CUBN: variants seen among roughly 807,000 people sequenced by gnomAD.
The protein encoded by CUBN is cubilin.
CUBN carries 282 observed loss-of-function variants against 405.3 expected under a neutral mutation model. That is an observed-to-expected ratio of 0.70 (90% CI 0.63 to 0.77). CUBN has a LOEUF of 0.77. Ranked by LOEUF, CUBN falls within the 30% of genes least tolerant of loss-of-function variation. The pLI is 0.00. For missense variants in CUBN, 4,514 were observed against 4,475.2 expected (o/e 1.01, Z -0.25); for synonymous variants, 1,684 against 1,617.0 (o/e 1.04, Z -0.99).
chr10:16,834,819 G>A (rs779451598), intron 64 of CUBN, among the ~76,000 whole-genome samples, 195 bp downstream of exon 64: 18 of 152,012 alleles, frequency 1.2e-4, no homozygotes, highest in Non-Finnish European at 2.1e-4. Flanking sequence ...AGTCTCCTGC[G>A]GGCCCTAAGG....
At chr10:16,908,344 C>T (rs539083016) in intron 48 of CUBN, among the ~76,000 whole-genome samples, 143 of 152,174 alleles carry the variant, frequency 9.4e-4, no homozygotes, top group African/African-American at 3.3e-3. Flanking sequence ...GGGGTTTCAC[C>T]ATGTTGGTCA....
At chr10:16,989,067 T>A (rs1024789013) in intron 29 of CUBN, among the ~76,000 whole-genome samples, 3 of 152,184 alleles carry the variant, frequency 2.0e-5, no homozygotes, top group Admixed American at 2.0e-4. Flanking sequence ...TGCCAGGTAC[T>A]CTGTGGAGCT....
At chr10:17,023,961 C>T (rs2137425) in intron 27 of CUBN, among the ~76,000 whole-genome samples, 2 of 151,770 alleles carry the variant, frequency 1.3e-5, no homozygotes, top group East Asian at 1.9e-4. Flanking sequence ...TTAGGATTTT[C>T]GTGGCTTAGG....
chr10:16,969,441 G>A (rs11591519), intron 31 of CUBN, among the ~76,000 whole-genome samples: 17,394 of 151,690 alleles, frequency 0.11, 1,206 homozygotes, highest in Non-Finnish European at 0.16. Context: ...TGCAGCCTCC[G>A]CCTCCGGGGT....
At chr10:17,029,564 T>G (rs1029409965) in intron 27 of CUBN, among the ~76,000 whole-genome samples, 13 of 152,250 alleles carry the variant, frequency 8.5e-5, no homozygotes. Flanking sequence ...ATTGAAATGT[T>G]TGGTAAACTC....
chr10:16,850,526 C>A (rs1279675283), intron 60 of CUBN, among the ~76,000 whole-genome samples: 2 of 152,108 alleles, frequency 1.3e-5, no homozygotes, highest in African/African-American at 4.8e-5. Context: ...GGCTAGAGTG[C>A]AGTGGCGAGA....
chr10:16,848,011 T>C (rs114240543), intron 60 of CUBN, among the ~76,000 whole-genome samples: 2,987 of 152,310 alleles, frequency 0.02, 103 homozygotes, highest in African/African-American at 0.068. Flanking sequence ...TTAGTGGTAG[T>C]TGGAAACGTT....
intron 27 of CUBN, among the ~76,000 whole-genome samples, chr10:17,034,089 G>A (rs752599196): frequency 6.6e-6 from 1 of 152,206 alleles, no homozygotes; most frequent in Non-Finnish European, 1.5e-5. Context: ...TTTGGCAAGA[G>A]ATGAAATGCA....
In CUBN at chr10:17,030,855, G is replaced by T. The variant is rs553907977; in HGVS notation, c.4017+10178C>A. On this transcript the variant is annotated intron_variant, in intron 27 of 66. Transcript: ENST00000377833. ...AATCATTGGAACCCGGGAGGCACAG[G>T]TTGCAGTGAGCCAAGATTACGCCAC... is the stretch of plus-strand genomic sequence containing the variant. Among the ~76,000 whole-genome samples the T allele has an allele frequency of 1.2e-4, 18 of 152,142 alleles. No individual in the cohort carries two copies. In the South Asian group the frequency reaches 3.5e-3, roughly 30 times the overall value.
chr10:16,830,141 G>A (rs1250326226), intron 65 of CUBN, among the ~76,000 whole-genome samples: 1 of 152,036 alleles, frequency 6.6e-6, no homozygotes, highest in Non-Finnish European at 1.5e-5. Flanking sequence ...TCACCCTGTG[G>A]GCCACACTGG....
In CUBN at chr10:17,104,515, AG is replaced by A; in HGVS notation, c.1320del (p.Cys441ValfsTer2). 1 of 1,614,012 alleles carries A rather than the reference AG, an allele frequency of 6.2e-7. No homozygotes were observed. The highest frequency in any genetic ancestry group is 8.5e-7 in the Non-Finnish European group (1 of 1,179,986). ...TENINECLSNPCLNGGTCVDG... is the reference protein window; with the variant it reads ...TENINECLSNXCLNGGTCVDG... ...TCAACACAAGTTCCTCCATTCAAAC[AG>A]GGGTTGCTCAAACACTCATTGATGT... On this transcript the variant is annotated frameshift_variant, in exon 12 of 67. Coordinates refer to ENST00000377833, the MANE Select transcript of CUBN (RefSeq NM_001081.4). LOFTEE classifies it high-confidence loss of function.
At chr10:17,041,840 G>A (rs546946489) in intron 26 of CUBN, among the ~76,000 whole-genome samples, 8 of 152,196 alleles carry the variant, frequency 5.3e-5, no homozygotes, top group Non-Finnish European at 8.8e-5. Flanking sequence ...AAGAAGAAAG[G>A]AAAATGTGAA....
intron 61 of CUBN, 123 bp downstream of exon 61, chr10:16,840,762 A>ATAGTAATTGACATTGAGTT: frequency 1.1e-6 from 1 of 915,412 alleles, no homozygotes; most frequent in Non-Finnish European, 1.8e-6. Context: ...TTGAGTTTAG[A>ATAGTAATTGACATTGAGTT]TAGTAATTGA....
At chr10:17,014,464 T>C (rs777249672) in intron 28 of CUBN, among the ~76,000 whole-genome samples, 1 of 152,104 alleles carries the variant, frequency 6.6e-6, no homozygotes, top group Non-Finnish European at 1.5e-5. Flanking sequence ...GGATCCACAG[T>C]CAGCAAAAGC....
intron 14 of CUBN, among the ~76,000 whole-genome samples, chr10:17,089,664 T>C (rs930998382): frequency 6.6e-6 from 1 of 152,180 alleles, no homozygotes; most frequent in Non-Finnish European, 1.5e-5. Flanking sequence ...GATGGTACGA[T>C]CACTACATAA....
At position 16,920,769 on chromosome 10, in the gene CUBN, CAACA is replaced by C. The variant is rs570456787; in HGVS notation, c.6647-636_6647-633del. Among the ~76,000 whole-genome samples, 24 of 152,242 alleles carry C rather than the reference CAACA, an allele frequency of 1.6e-4. No individual in the cohort carries two copies. In the East Asian group the frequency reaches 3.9e-3, roughly 24 times the overall value. On this transcript the variant is annotated intron_variant, in intron 43 of 66. Transcript: ENST00000377833. Reference sequence around the variant, plus strand: ...ATCAATAAATATTCTTTGGCATTTTCAACAAACAAACCAGATAGGAGTAAAAGTA... The same window carrying C: ...ATCAATAAATATTCTTTGGCATTTTCAACAAACCAGATAGGAGTAAAAGTA...
intron 19 of CUBN, 145 bp from the exon 20 acceptor site, chr10:17,068,915 A>G (rs1564502325): frequency 1.4e-6 from 1 of 689,952 alleles, no homozygotes; most frequent in Non-Finnish European, 2.5e-6. Context: ...TCACCCCCCA[A>G]AAAACACTCA....
intron 28 of CUBN, among the ~76,000 whole-genome samples, chr10:16,993,447 T>C (rs950655754): frequency 7.2e-5 from 11 of 152,180 alleles, no homozygotes; most frequent in African/African-American, 2.4e-4. Flanking sequence ...CCTTAAATTG[T>C]CGCTGTAAAC....
At chr10:16,957,293 A>G (rs1843091845) in intron 31 of CUBN, among the ~76,000 whole-genome samples, 1 of 152,184 alleles carries the variant, frequency 6.6e-6, no homozygotes, top group Non-Finnish European at 1.5e-5. Flanking sequence ...TGCAATATTT[A>G]TCTTTCTGTG....
Sources: gnomAD v4.1 joint callset for allele counts (sites outside exome capture counted in the v4.1 genomes callset) on GRCh38, gnomAD v4.1.1 for gene constraint, MANE v1.5 for transcripts, NCBI Gene and HGNC (gene_info 2026-07-23, HGNC 2026-07-21) for gene names.